ATP8A2: variants seen among roughly 807,000 people sequenced by gnomAD.
The protein encoded by ATP8A2 is ATPase phospholipid transporting 8A2, also known as phospholipid-transporting ATPase IB.
ATP8A2 carries 100 observed loss-of-function variants against 165.6 expected under a neutral mutation model. That is an observed-to-expected ratio of 0.60 (90% CI 0.51 to 0.71). The LOEUF is 0.71. ATP8A2 is among the 30% of genes least tolerant of loss of function. ATP8A2 has a pLI of 0.00. For missense variants in ATP8A2, 1,227 were observed against 1,479.5 expected, an observed-to-expected ratio of 0.83 and a Z score of 2.80; for synonymous variants, 543 against 548.8, an observed-to-expected ratio of 0.99 and a Z score of 0.15.
rs531133909 is a variant in ATP8A2, at chr13:25,400,177, G to A, written c.76+27889G>A. Among the ~76,000 whole-genome samples the A allele has an allele frequency of 5.3e-5, 8 of 152,256 alleles. No homozygotes were observed. The East Asian group carries it at 1.4e-3, about 26-fold the overall frequency. On this transcript the variant is annotated intron_variant, in intron 1 of 36. Coordinates refer to ENST00000381655, the MANE Select transcript of ATP8A2 (RefSeq NM_016529.6). ...GGGCTCAAGAGATCCTCCCACATCAGCCTCCTAAAGTGGCTGGGATGAGAG... is the reference window on the plus strand; with the variant it reads ...GGGCTCAAGAGATCCTCCCACATCAACCTCCTAAAGTGGCTGGGATGAGAG...
chr13:25,675,340 T>C (rs2042350370), intron 24 of ATP8A2, among the ~76,000 whole-genome samples: 1 of 152,226 alleles, frequency 6.6e-6, no homozygotes, highest in South Asian at 2.1e-4. Flanking sequence ...TCTAGCATTC[T>C]TCCTTTCCAG....
intron 35 of ATP8A2, among the ~76,000 whole-genome samples, chr13:26,011,817 C>T (rs1236214120): frequency 6.6e-6 from 1 of 152,082 alleles, no homozygotes; most frequent in Non-Finnish European, 1.5e-5. Context: ...CACCTGGGGT[C>T]CCAGCTACTC....
intron 1 of ATP8A2, among the ~76,000 whole-genome samples, chr13:25,434,222 G>A (rs569037950): frequency 2.6e-4 from 39 of 152,322 alleles, no homozygotes; most frequent in African/African-American, 9.1e-4. Context: ...CTTGGTGCCT[G>A]TAGCTTGCAT....
At chr13:25,875,037 C>T (rs1952788747) in intron 33 of ATP8A2, among the ~76,000 whole-genome samples, 2 of 151,826 alleles carry the variant, frequency 1.3e-5, no homozygotes, top group South Asian at 4.1e-4. Flanking sequence ...TATGGTTCTG[C>T]TTGTATATAG....
intron 2 of ATP8A2, among the ~76,000 whole-genome samples, chr13:25,482,701 G>T (rs1450656355): frequency 6.6e-6 from 1 of 152,166 alleles, no homozygotes; most frequent in Admixed American, 6.5e-5. Flanking sequence ...AATCATGGGG[G>T]CGGTTTCCCC....
At chr13:25,672,523 A>T (rs17685701) in intron 24 of ATP8A2, among the ~76,000 whole-genome samples, 5,311 of 152,206 alleles carry the variant, frequency 0.035, 158 homozygotes, top group East Asian at 0.13. Flanking sequence ...ACTCTAAGGA[A>T]TTGGTTTTTC....
At chr13:25,670,876 A>G (rs888424002) in intron 24 of ATP8A2, among the ~76,000 whole-genome samples, 2 of 152,194 alleles carry the variant, frequency 1.3e-5, no homozygotes, top group African/African-American at 4.8e-5. Context: ...TATATGTGAA[A>G]TCATGGAGCT....
chr13:25,531,159 A>ATATATATGT (rs2038024924), intron 4 of ATP8A2, among the ~76,000 whole-genome samples: 5 of 47,090 alleles, frequency 1.1e-4, no homozygotes, highest in Admixed American at 5.3e-4. Context: ...TATATATATG[A>ATATATATGT]TATATATGTT....
intron 16 of ATP8A2, among the ~76,000 whole-genome samples, chr13:25,569,674 T>TA (rs1374338590): frequency 6.6e-6 from 1 of 152,210 alleles, no homozygotes; most frequent in African/African-American, 2.4e-5. Flanking sequence ...TTGTGGGTGA[T>TA]ATAATTGTCT....
At chr13:25,852,221 C>T (rs554473487) in intron 30 of ATP8A2, among the ~76,000 whole-genome samples, 1 of 152,308 alleles carries the variant, frequency 6.6e-6, no homozygotes, top group Non-Finnish European at 1.5e-5. Flanking sequence ...GGACATTTGG[C>T]AATGTCTGCA....
chr13:25,536,278 A>ATTTT (rs5802338), intron 6 of ATP8A2, among the ~76,000 whole-genome samples: 1 of 141,828 alleles, frequency 7.1e-6, no homozygotes, highest in Non-Finnish European at 1.5e-5. Flanking sequence ...TGCCCGGTTA[A>ATTTT]TTTTTTTTTT....
chr13:25,979,627 G>A (rs1456510113), intron 35 of ATP8A2, among the ~76,000 whole-genome samples: 1 of 152,220 alleles, frequency 6.6e-6, no homozygotes, highest in Non-Finnish European at 1.5e-5. Context: ...TTGGCCTAAT[G>A]TGGGGCGAGT....
intron 24 of ATP8A2, among the ~76,000 whole-genome samples, chr13:25,660,062 A>G (rs1403946055): frequency 6.6e-6 from 1 of 152,216 alleles, no homozygotes; most frequent in Non-Finnish European, 1.5e-5. Context: ...TTTTACTATC[A>G]GGCCCTTTAT....
At chr13:25,456,999 A>C (rs981845590) in intron 1 of ATP8A2, among the ~76,000 whole-genome samples, 4 of 152,328 alleles carry the variant, frequency 2.6e-5, no homozygotes, top group East Asian at 1.9e-4. Flanking sequence ...ACAATCCCCC[A>C]AAAACTCATC....
At chr13:25,566,780 C>T (rs2039326722) in intron 16 of ATP8A2, among the ~76,000 whole-genome samples, 2 of 152,188 alleles carry the variant, frequency 1.3e-5, no homozygotes, top group Non-Finnish European at 2.9e-5. Context: ...TATGAAATAC[C>T]TTGCTCTTGG....
In ATP8A2 at chr13:25,399,397, CTTTTTTT is replaced by C. The variant is rs71077467; in HGVS notation, c.76+27122_76+27128del. ...AGATCCTGATTTCTTAGTGGTTCTT[CTTTTTTT>C]TTTTTTTTTTTTGAGACGGAGTTTC... On this transcript the variant is annotated intron_variant, in intron 1 of 36. Coordinates refer to ENST00000381655, the MANE Select transcript of ATP8A2 (RefSeq NM_016529.6). 2.1e-3 allele frequency among the ~76,000 whole-genome samples: 159 copies of C among 74,060 alleles called. 2 individuals carry two copies. The East Asian group carries it at 0.066, about 31-fold the overall frequency. 48.6% of individuals were successfully genotyped at this position (74,060 alleles called of 152,430 possible).
intron 27 of ATP8A2, among the ~76,000 whole-genome samples, chr13:25,820,779 A>G (rs1347982850): frequency 6.6e-6 from 1 of 152,234 alleles, no homozygotes; most frequent in Non-Finnish European, 1.5e-5. Flanking sequence ...ACGTTTGTAT[A>G]AATATTTAAA....
chr13:25,454,980 T>C (rs1304986797), intron 1 of ATP8A2, among the ~76,000 whole-genome samples: 2 of 152,186 alleles, frequency 1.3e-5, no homozygotes, highest in African/African-American at 4.8e-5. Flanking sequence ...TAAGAGATAC[T>C]CTGGTCTTAG....
intron 33 of ATP8A2, among the ~76,000 whole-genome samples, chr13:25,872,523 G>A (rs1196047708): frequency 2.0e-5 from 3 of 152,174 alleles, no homozygotes; most frequent in Non-Finnish European, 4.4e-5. Context: ...GAGTAGGAAG[G>A]GACTTTGTCT....
Sources: gnomAD v4.1 joint callset for allele counts (sites outside exome capture counted in the v4.1 genomes callset) on GRCh38, gnomAD v4.1.1 for gene constraint, MANE v1.5 for transcripts, NCBI Gene and HGNC (gene_info 2026-07-23, HGNC 2026-07-21) for gene names.